Variants in AFAP1 observed in about 807,000 individuals in gnomAD.
AFAP1 encodes the protein actin filament associated protein 1, also known as actin filament-associated protein 1.
In AFAP1, 75 loss-of-function variants were observed where a neutral mutation model predicts 93.9. The observed-to-expected ratio is 0.80, with a 90% CI of 0.66 to 0.97. AFAP1 has a LOEUF of 0.97. Ranked by LOEUF, AFAP1 falls within the 50% of genes least tolerant of loss-of-function variation. The pLI is 0.00. For synonymous variants in AFAP1, 517 were observed against 430.7 expected (o/e 1.20, Z -2.48); for missense variants, 1,201 against 1,050.8 (o/e 1.14, Z -1.98).
chr4:7,845,783 C>T lies in AFAP1; in HGVS notation c.335-2433G>A, dbSNP rs1048542125. Among the ~76,000 whole-genome samples the T allele has an allele frequency of 1.1e-4, 16 of 152,244 alleles. 1 individual carries two copies. Among genetic ancestry groups the T allele is most frequent in the Admixed American group, 8.5e-4 (13 of 15,292 alleles). ...CAGGGCAGCCACAGGGGGTTACTTACATTTCAATTTTCATTCAAGTCCCAC... is the reference window on the plus strand; with the variant it reads ...CAGGGCAGCCACAGGGGGTTACTTATATTTCAATTTTCATTCAAGTCCCAC... On this transcript the variant is annotated intron_variant, in intron 4 of 17. Transcript: ENST00000420658.
chr4:7,930,934 T>C (rs999092396), intron 1 of AFAP1, among the ~76,000 whole-genome samples: 2 of 152,194 alleles, frequency 1.3e-5, no homozygotes, highest in Non-Finnish European at 2.9e-5. Flanking sequence ...TATTTTTTAG[T>C]AGAGACGAGG....
chr4:7,822,502 T>C (rs1346280654), intron 6 of AFAP1, among the ~76,000 whole-genome samples: 1 of 151,810 alleles, frequency 6.6e-6, no homozygotes, highest in Non-Finnish European at 1.5e-5. Context: ...CTGTACCCCA[T>C]AAAACATAAC....
chr4:7,781,646 T>C lies in AFAP1; in HGVS notation c.1531-19A>G. 1 of 1,550,388 alleles carries C rather than the reference T, an allele frequency of 6.4e-7. No homozygotes were observed. The highest frequency in any genetic ancestry group is 1.4e-5 in the African/African-American group (1 of 73,112). Reference sequence around the variant, plus strand: ...GTTCCCACTGCAACACACATAGCTTTGTGGTTAGTGACTTGGACACAGGAA... The same window carrying C: ...GTTCCCACTGCAACACACATAGCTTCGTGGTTAGTGACTTGGACACAGGAA... On this transcript the variant is annotated intron_variant, in intron 12 of 17. Coordinates refer to ENST00000420658, the MANE Select transcript of AFAP1 (RefSeq NM_001134647.2).
At chr4:7,900,883 T>C (rs911621254) in intron 1 of AFAP1, among the ~76,000 whole-genome samples, 3 of 152,192 alleles carry the variant, frequency 2.0e-5, no homozygotes, top group African/African-American at 7.2e-5. Flanking sequence ...AAGAAACTGC[T>C]AGGTTCAAAT....
At chr4:7,818,258 C>G (rs181316432) in intron 7 of AFAP1, among the ~76,000 whole-genome samples, 88 of 152,332 alleles carry the variant, frequency 5.8e-4, no homozygotes, top group African/African-American at 2.1e-3. Context: ...CCTGGGTCTC[C>G]GCCTGCGGCC....
chr4:7,842,805 T>G, intron 5 of AFAP1: 1 of 253,044 alleles, frequency 4.0e-6, no homozygotes, highest in African/African-American at 2.2e-5. Context: ...TCACTACAAA[T>G]GAGAAAATCC....
At chr4:7,833,320 C>T (rs2149096705) in intron 6 of AFAP1, among the ~76,000 whole-genome samples, 1 of 152,190 alleles carries the variant, frequency 6.6e-6, no homozygotes, top group Admixed American at 6.5e-5. Flanking sequence ...ACCAAACAAT[C>T]CCATCAAAAG....
At chr4:7,804,868 C>A (rs996069583) in intron 9 of AFAP1, among the ~76,000 whole-genome samples, 12 of 152,300 alleles carry the variant, frequency 7.9e-5, no homozygotes, top group African/African-American at 2.9e-4. Flanking sequence ...GCAAGAGGGG[C>A]ATCAAGAAGC....
intron 1 of AFAP1, among the ~76,000 whole-genome samples, chr4:7,916,935 TC>T (rs1720114960): frequency 6.6e-6 from 1 of 152,188 alleles, no homozygotes; most frequent in South Asian, 2.1e-4. Flanking sequence ...CTGAATGTAT[TC>T]ACTGAATGCA....
At chr4:7,928,681 T>C (rs764770474) in intron 1 of AFAP1, among the ~76,000 whole-genome samples, 10 of 152,236 alleles carry the variant, frequency 6.6e-5, no homozygotes, top group East Asian at 1.9e-4. Context: ...CCACCACGCC[T>C]GGCCTACTTT....
intron 1 of AFAP1, among the ~76,000 whole-genome samples, chr4:7,909,847 C>A (rs1719631756): frequency 6.6e-6 from 1 of 152,078 alleles, no homozygotes; most frequent in African/African-American, 2.4e-5. Context: ...TTTCACAGCC[C>A]CCCAGATGCA....
intron 1 of AFAP1, among the ~76,000 whole-genome samples, chr4:7,886,346 A>G (rs1238257750): frequency 6.6e-6 from 1 of 152,246 alleles, no homozygotes; most frequent in Admixed American, 6.5e-5. Context: ...GCACCTAAAA[A>G]GGGAAAGCAA....
chr4:7,801,597 A>C (rs1253266761), intron 9 of AFAP1, among the ~76,000 whole-genome samples: 3 of 152,102 alleles, frequency 2.0e-5, no homozygotes, highest in Non-Finnish European at 4.4e-5. Flanking sequence ...CCTTCCTTTA[A>C]GATTTAGAAA....
At chr4:7,771,805 A>C (rs58145590) in intron 16 of AFAP1, among the ~76,000 whole-genome samples, 9,342 of 151,642 alleles carry the variant, frequency 0.062, 992 homozygotes, top group African/African-American at 0.21. Flanking sequence ...GGCGGGAGGG[A>C]GGTTGTCCTC....
At chr4:7,785,947 G>A (rs546270829) in intron 12 of AFAP1, among the ~76,000 whole-genome samples, 1 of 152,214 alleles carries the variant, frequency 6.6e-6, no homozygotes, top group Admixed American at 6.5e-5. Flanking sequence ...AACACCAACA[G>A]AAAAATGACA....
chr4:7,905,782 C>CA (rs1421155718), intron 1 of AFAP1, among the ~76,000 whole-genome samples: 5 of 152,226 alleles, frequency 3.3e-5, no homozygotes, highest in Non-Finnish European at 5.9e-5. Flanking sequence ...ATGATACAAT[C>CA]ACAACCTTCA....
Position 7,827,068 on chromosome 4 carries a change from C to G in AFAP1, c.727-7897G>C, listed in dbSNP as rs576723993. 1.8e-4 allele frequency among the ~76,000 whole-genome samples: 28 copies of G among 152,190 alleles called. 1 individual carries two copies. Among genetic ancestry groups the G allele is most frequent in the African/African-American group, 6.7e-4 (28 of 41,526 alleles). On this transcript the variant is annotated intron_variant, in intron 6 of 17. Coordinates refer to ENST00000420658, the MANE Select transcript of AFAP1 (RefSeq NM_001134647.2). ...ATTTAAAAAAGAAAGAAAGAAATGC[C>G]AGAAGTGAAAAATGGATCTCAGAAA... is the stretch of plus-strand genomic sequence containing the variant.
At chr4:7,837,776 T>C (rs1712482525) in intron 6 of AFAP1, among the ~76,000 whole-genome samples, 1 of 152,200 alleles carries the variant, frequency 6.6e-6, no homozygotes, top group Non-Finnish European at 1.5e-5. Flanking sequence ...CCCAGCACTT[T>C]GGGAGGCCAA....
At chr4:7,920,027 T>C (rs1234323450) in intron 1 of AFAP1, among the ~76,000 whole-genome samples, 2 of 152,228 alleles carry the variant, frequency 1.3e-5, no homozygotes, top group East Asian at 3.9e-4. Context: ...TACCACATTT[T>C]CTTTAGTCTA....
Sources: gnomAD v4.1 joint callset for allele counts (sites outside exome capture counted in the v4.1 genomes callset) on GRCh38, gnomAD v4.1.1 for gene constraint, MANE v1.5 for transcripts, NCBI Gene and HGNC (gene_info 2026-07-23, HGNC 2026-07-21) for gene names.